RPAP1: variants seen among roughly 807,000 people sequenced by gnomAD.
RPAP1 encodes the protein RNA polymerase II associated protein 1.
A neutral mutation model predicts 142.4 loss-of-function variants in RPAP1; 109 were observed. The observed-to-expected ratio is 0.77, with a 90% CI of 0.66 to 0.90. The LOEUF (loss-of-function observed/expected upper bound fraction) is 0.90. Ranked by LOEUF, RPAP1 falls within the 40% of genes least tolerant of loss-of-function variation. The probability of loss-of-function intolerance (pLI) is 0.00; values close to 1 mark genes in which losing one functional copy is unlikely to be tolerated. For synonymous variants in RPAP1, 704 were observed against 738.9 expected (o/e 0.95, Z 0.77); for missense variants, 1,546 against 1,751.7 (o/e 0.88, Z 2.10).
In RPAP1 at chr15:41,531,077, A is replaced by T. The variant is rs139766998; in HGVS notation, c.889T>A (p.Ser297Thr). The change falls in exon 7 of 25, where the codon TCA becomes ACA. Residue 297 changes from serine (S) to threonine (T), a missense_variant. By Grantham distance (58) the Ser-to-Thr change is moderately conservative (BLOSUM62 1). This residue lies in a region of RPAP1 where 1,333 missense variants were observed against 1,486.6 expected (regional missense o/e 0.90). Transcript: ENST00000304330. Reference sequence around the variant, plus strand: ...TTCCTGGGCTCACTGGCAAAAGCTGACATGAGGGGTTCCTCCTTGGTGACA... The same window carrying T: ...TTCCTGGGCTCACTGGCAAAAGCTGTCATGAGGGGTTCCTCCTTGGTGACA... ...ANVTKEEPLM[S>T]AFASEPRKRD... 215 of 1,613,946 alleles carry T rather than the reference A, an allele frequency of 1.3e-4. No homozygotes were observed. Among genetic ancestry groups the T allele is most frequent in the Non-Finnish European group, 1.8e-4 (208 of 1,179,934 alleles).
intron 1 of RPAP1, among the ~76,000 whole-genome samples, chr15:41,543,570 A>C (rs1335534653): frequency 6.6e-6 from 1 of 152,102 alleles, no homozygotes; most frequent in Non-Finnish European, 1.5e-5. Context: ...CAGGTCCTAT[A>C]TAATAGGAAA....
chr15:41,525,215 G>T, intron 14 of RPAP1, 67 bp from the exon 15 acceptor site: 1 of 1,432,628 alleles, frequency 7.0e-7, no homozygotes, highest in South Asian at 1.4e-5. Flanking sequence ...CTCTCAGCTG[G>T]ACAGAGAGTG....
At position 41,525,115 on chromosome 15, in the gene RPAP1, G is replaced by C; in HGVS notation, c.1951C>G (p.Arg651Gly). ...SSFDLRSRLC[R>G]IIAEAPQELA... is the part of the protein sequence containing the mutation. ...TCTTGGGGAGCCTCAGCTATGATGC[G>C]GCACAGGCGGCTCCGGAGATCAAAG... Residue 651 changes from arginine (R) to glycine (G), a missense_variant, in exon 15 of 25, where the codon CGC becomes GGC. Around this residue, in one of 3 missense-constraint regions of RPAP1, gnomAD observed 1,333 missense variants for 1,486.6 expected, o/e 0.90. Transcript: ENST00000304330. 6.2e-7 allele frequency: 1 copy of C among 1,613,206 alleles called. No homozygotes were observed. The highest frequency in any genetic ancestry group is 8.5e-7 in the Non-Finnish European group (1 of 1,179,626).
intron 22 of RPAP1, chr15:41,519,850 C>T (rs1595479554): frequency 6.4e-6 from 1 of 157,222 alleles, no homozygotes; most frequent in East Asian, 1.9e-4. Flanking sequence ...CTCTTCTTAT[C>T]TAGATTGTAG....
intron 7 of RPAP1, among the ~76,000 whole-genome samples, 193 bp downstream of exon 7, chr15:41,530,830 A>G (rs927155059): frequency 6.6e-6 from 1 of 152,226 alleles, no homozygotes; most frequent in African/African-American, 2.4e-5. Context: ...GTAACAGGAC[A>G]AGAAAACAGG....
chr15:41,536,899 G>C, intron 2 of RPAP1, 46 bp downstream of exon 2: 2 of 1,592,252 alleles, frequency 1.3e-6, no homozygotes, highest in Non-Finnish European at 1.7e-6. Context: ...AGGGGCCCGA[G>C]GCTGTACCCT....
chr15:41,522,077 C>A, intron 20 of RPAP1, 21 bp downstream of exon 20: 1 of 1,611,248 alleles, frequency 6.2e-7, no homozygotes, highest in Non-Finnish European at 8.5e-7. Flanking sequence ...ACAGGAGAAC[C>A]TGTCAGACAG....
In RPAP1 at chr15:41,517,694, G is replaced by A; in HGVS notation, c.4033-3C>T. The A allele has an allele frequency of 1.2e-6, 2 of 1,612,486 alleles. No homozygotes were observed. The highest frequency in any genetic ancestry group is 8.5e-7 in the Non-Finnish European group (1 of 1,178,694). On this transcript the variant is annotated splice_region_variant and splice_polypyrimidine_tract_variant and intron_variant, in intron 24 of 24. Coordinates refer to ENST00000304330, the MANE Select transcript of RPAP1 (RefSeq NM_015540.4). ...TGCAGGAGGTGCTGCCGGAGACCCT[G>A]CAGAAAGGAAAGAAAACTTATGAAG...
At chr15:41,527,770 G>T (rs11858969) in intron 11 of RPAP1, 90 bp downstream of exon 11, 2 of 1,536,836 alleles carry the variant, frequency 1.3e-6, no homozygotes, top group Admixed American at 2.0e-5. Context: ...CATCTTGCCC[G>T]CAAAGCCTTA....
chr15:41,521,017 T>TGCTCCCCA lies in RPAP1; in HGVS notation c.3168_3169insTGGGGAGC (p.Asn1057TrpfsTer7). 6.2e-7 allele frequency: 1 copy of TGCTCCCCA among 1,603,464 alleles called. No individual in the cohort carries two copies. Among genetic ancestry groups the TGCTCCCCA allele is most frequent in the Non-Finnish European group, 8.5e-7 (1 of 1,174,638 alleles). On this transcript the variant is annotated frameshift_variant, in exon 22 of 25. Coordinates refer to ENST00000304330, the MANE Select transcript of RPAP1 (RefSeq NM_015540.4). LOFTEE classifies it high-confidence loss of function. ...GGCGAGCAATGAGTCAGGTAGCAGTTGCGGATGCTGGGGAGGTCCTGGCAG... is the reference window on the plus strand; with the variant it reads ...GGCGAGCAATGAGTCAGGTAGCAGTTGCTCCCCAGCGGATGCTGGGGAGGTCCTGGCAG...
Position 41,536,557 on chromosome 15 carries a change from C to G in RPAP1, c.274G>C (p.Glu92Gln). Residue 92 changes from glutamate (E) to glutamine (Q), a missense_variant, in exon 3 of 25, where the codon GAA (glutamate) becomes CAA (glutamine). Transcript: ENST00000304330. ...TGATCATGCCTCCTCAGCCTCTCTT[C>G]TGGGTCCTCATCCTCAGGCAGGCAG... ...GHCLPEDEDP[E>Q]ERLRRHDQHI... 1 of 1,614,202 alleles carries G rather than the reference C, an allele frequency of 6.2e-7. No homozygotes were observed. The highest frequency in any genetic ancestry group is 8.5e-7 in the Non-Finnish European group (1 of 1,180,036).
At chr15:41,539,165 G>A (rs995258493) in intron 1 of RPAP1, among the ~76,000 whole-genome samples, 2 of 152,086 alleles carry the variant, frequency 1.3e-5, no homozygotes, top group Non-Finnish European at 1.5e-5. Flanking sequence ...CTGGAGTGCA[G>A]TAGCGTGATC....
rs2140760451 is a variant in RPAP1, at chr15:41,522,269, G to A, written c.2743-19C>T. 6.2e-7 allele frequency: 1 copy of A among 1,611,006 alleles called. No homozygotes were observed. The highest frequency in any genetic ancestry group is 8.5e-7 in the Non-Finnish European group (1 of 1,178,790). ...CAGCCAGCTGAGGAAAAGCAATTTT[G>A]TTCAGATCTAGAAATTGACTCTCAT... On this transcript the variant is annotated intron_variant, in intron 19 of 24. Transcript: ENST00000304330.
At chr15:41,543,944 A>G (rs1290780057) in intron 1 of RPAP1, 1 of 152,234 alleles carries the variant, frequency 6.6e-6, no homozygotes, top group Non-Finnish European at 1.5e-5. Flanking sequence ...CCAGGATCCA[A>G]TCCCGAGTCG....
Position 41,521,038 on chromosome 15 carries a change from G to C in RPAP1, c.3148C>G (p.Gln1050Glu), listed in dbSNP as rs1322753769. 2.4e-5 allele frequency: 39 copies of C among 1,594,688 alleles called. No homozygotes were observed. The East Asian group carries it at 8.5e-4, about 35-fold the overall frequency. Reference protein sequence around the residue: ...GQGTLLAQACQDLPSIRNCYL... With the variant: ...GQGTLLAQACEDLPSIRNCYL... ...CAGTTGCGGATGCTGGGGAGGTCCT[G>C]GCAGGCCTGAGCCAGCAGAGTCCCT... is the stretch of plus-strand genomic sequence containing the variant. Residue 1050 changes from glutamine (Q) to glutamate (E), a missense_variant, in exon 22 of 25, where the codon CAG (glutamine) becomes GAG (glutamate). By Grantham distance (29) the Gln-to-Glu change is conservative. This residue lies in a region of RPAP1 where 1,333 missense variants were observed against 1,486.6 expected (regional missense o/e 0.90). Transcript: ENST00000304330.
At chr15:41,537,704 A>G (rs1272737688) in intron 1 of RPAP1, among the ~76,000 whole-genome samples, 3 of 152,012 alleles carry the variant, frequency 2.0e-5, no homozygotes. Flanking sequence ...CAACATGGTG[A>G]AACCCCATCT....
At chr15:41,536,853 A>G in intron 2 of RPAP1, 92 bp downstream of exon 2, 3 of 1,468,800 alleles carry the variant, frequency 2.0e-6, no homozygotes, top group Non-Finnish European at 2.8e-6. Flanking sequence ...TGAAATAATA[A>G]TGATGTGTCT....
At chr15:41,542,393 T>C in intron 1 of RPAP1, among the ~76,000 whole-genome samples, 1 of 152,098 alleles carries the variant, frequency 6.6e-6, no homozygotes, top group East Asian at 1.9e-4. Flanking sequence ...ATTTCAGAGG[T>C]GGGAAAAATC....
chr15:41,536,046 T>G, intron 4 of RPAP1, 83 bp downstream of exon 4: 7 of 1,024,072 alleles, frequency 6.8e-6, no homozygotes, highest in Non-Finnish European at 1.0e-5. Context: ...CTTATCATCA[T>G]TAAAACTACC....
Sources: allele counts gnomAD v4.1 joint callset (sites outside exome capture counted in the v4.1 genomes callset), GRCh38; gene constraint gnomAD v4.1.1; regional missense constraint gnomAD v4.1.1; transcripts MANE v1.5; gene names NCBI Gene and HGNC (gene_info 2026-07-23, HGNC 2026-07-21).